Variants in RAB31 observed in about 807,000 individuals in gnomAD.
RAB31 encodes the protein RAB31, member RAS oncogene family.
A neutral mutation model predicts 25.6 loss-of-function variants in RAB31; 21 were observed. The observed-to-expected ratio is 0.82, with a 90% CI of 0.58 to 1.18. The LOEUF (loss-of-function observed/expected upper bound fraction) is 1.18, where lower values mean the gene tolerates loss of function less well. Ranked by LOEUF, RAB31 falls within the 50% of genes most tolerant of loss-of-function variation. RAB31 has a pLI of 0.00. For synonymous variants in RAB31, 87 were observed against 84.0 expected, an observed-to-expected ratio of 1.04 and a Z score of -0.20; for missense variants, 196 against 250.1, an observed-to-expected ratio of 0.78 and a Z score of 1.46.
At chr18:9,770,562 G>A (rs1426458645) in intron 1 of RAB31, among the ~76,000 whole-genome samples, 2 of 152,210 alleles carry the variant, frequency 1.3e-5, no homozygotes, top group African/African-American at 4.8e-5. Context: ...GGAAGTAGAT[G>A]GAACCAATTG....
In RAB31 at chr18:9,730,120, G is replaced by A. The variant is rs12605471; in HGVS notation, c.39+21676G>A. On this transcript the variant is annotated intron_variant, in intron 1 of 6. Coordinates refer to ENST00000578921, the MANE Select transcript of RAB31 (RefSeq NM_006868.4). The stretch of plus-strand genomic sequence containing the variant: ...AAATCCAGCTCCTCTCTATAGCATC[G>A]CTGTGGGTGTAGCTAAAATATGAGA... Among the ~76,000 whole-genome samples the A allele has an allele frequency of 7.9e-5, 12 of 152,128 alleles. No individual in the cohort carries two copies. In the East Asian group the frequency reaches 9.6e-4, roughly 12 times the overall value.
intron 6 of RAB31, among the ~76,000 whole-genome samples, chr18:9,855,410 G>T (rs626276): frequency 0.47 from 72,123 of 151,912 alleles, 18,561 homozygotes; most frequent in South Asian, 0.67. Context: ...CTACAGACTA[G>T]GCTCAGAGCC....
chr18:9,824,654 G>A (rs943267839), intron 5 of RAB31, among the ~76,000 whole-genome samples: 49 of 152,360 alleles, frequency 3.2e-4, no homozygotes, highest in African/African-American at 1.2e-3. Context: ...CCTGTTCAGT[G>A]TGTTTCATCT....
At chr18:9,850,003 G>A (rs1262815461) in intron 6 of RAB31, among the ~76,000 whole-genome samples, 1 of 152,188 alleles carries the variant, frequency 6.6e-6, no homozygotes, top group African/African-American at 2.4e-5. Flanking sequence ...GAAAGTCTCC[G>A]CATGTCTCAA....
rs576129354 is a variant in RAB31, at chr18:9,765,672, C to A, written c.40-9606C>A. 1.7e-3 allele frequency among the ~76,000 whole-genome samples: 263 copies of A among 152,280 alleles called. 1 individual carries two copies. Among genetic ancestry groups the A allele is most frequent in the African/African-American group, 5.7e-3 (237 of 41,568 alleles). On this transcript the variant is annotated intron_variant, in intron 1 of 6. Transcript: ENST00000578921. ...CAAACAGGCCCAGTAAGTCTGTAAT[C>A]TGATAAGCCCTGGAATGGGATCCAG... is the stretch of plus-strand genomic sequence containing the variant.
intron 6 of RAB31, among the ~76,000 whole-genome samples, chr18:9,849,850 A>T (rs962619930): frequency 6.6e-6 from 1 of 152,156 alleles, no homozygotes; most frequent in African/African-American, 2.4e-5. Flanking sequence ...GTGCTGTGGG[A>T]AGTTGTGGTT....
At chr18:9,745,199 C>T (rs1287185797) in intron 1 of RAB31, among the ~76,000 whole-genome samples, 1 of 152,108 alleles carries the variant, frequency 6.6e-6, no homozygotes, top group Non-Finnish European at 1.5e-5. Context: ...GGTTAGATAA[C>T]CTAGAAGAAT....
intron 1 of RAB31, among the ~76,000 whole-genome samples, chr18:9,756,961 C>T (rs1490492656): frequency 4.6e-5 from 7 of 152,176 alleles, no homozygotes; most frequent in Admixed American, 3.9e-4. Flanking sequence ...TGATTGGTGC[C>T]TTTCTGCACT....
At chr18:9,788,251 T>TA (rs1428602251) in intron 2 of RAB31, among the ~76,000 whole-genome samples, 7 of 152,180 alleles carry the variant, frequency 4.6e-5, no homozygotes, top group African/African-American at 1.7e-4. Flanking sequence ...TAGACATCTC[T>TA]AAAAAGAAGA....
At chr18:9,796,915 G>A (rs934067535) in intron 3 of RAB31, among the ~76,000 whole-genome samples, 2 of 152,048 alleles carry the variant, frequency 1.3e-5, no homozygotes, top group South Asian at 4.1e-4. Context: ...ATTAATTAAA[G>A]TTATATTAAA....
At chr18:9,812,107 T>C (rs897455635) in intron 3 of RAB31, among the ~76,000 whole-genome samples, 3 of 152,176 alleles carry the variant, frequency 2.0e-5, no homozygotes, top group African/African-American at 7.2e-5. Context: ...AGATCTGGTC[T>C]CCTTCTCTCC....
intron 1 of RAB31, among the ~76,000 whole-genome samples, chr18:9,768,313 A>G (rs1297074632): frequency 6.6e-6 from 1 of 152,186 alleles, no homozygotes; most frequent in Non-Finnish European, 1.5e-5. Context: ...TTACACTCCC[A>G]CCAACAGTGT....
chr18:9,804,726 A>G (rs1035071943), intron 3 of RAB31, among the ~76,000 whole-genome samples: 2 of 152,200 alleles, frequency 1.3e-5, no homozygotes, highest in East Asian at 3.9e-4. Context: ...AGCCTGTCCT[A>G]ACAGAGGCAG....
At chr18:9,768,117 C>T (rs1367415176) in intron 1 of RAB31, among the ~76,000 whole-genome samples, 1 of 152,044 alleles carries the variant, frequency 6.6e-6, no homozygotes, top group Non-Finnish European at 1.5e-5. Context: ...TCAAGTCTAT[C>T]ATTGATGGGC....
At chr18:9,855,933 T>G (rs1335514229) in intron 6 of RAB31, 2 of 152,172 alleles carry the variant, frequency 1.3e-5, no homozygotes, top group Non-Finnish European at 2.9e-5. Context: ...CATCATCATT[T>G]GTTCCTCCCC....
intron 1 of RAB31, among the ~76,000 whole-genome samples, chr18:9,764,068 A>G (rs913284861): frequency 6.6e-6 from 1 of 152,194 alleles, no homozygotes; most frequent in Admixed American, 6.5e-5. Context: ...CTTAGGAAAT[A>G]ATCATTCTTT....
intron 3 of RAB31, among the ~76,000 whole-genome samples, chr18:9,794,250 A>C (rs1191642953): frequency 6.6e-6 from 1 of 152,236 alleles, no homozygotes; most frequent in East Asian, 1.9e-4. Context: ...TCCAGGATTC[A>C]GGATAATCTA....
At chr18:9,798,586 T>C (rs2068497935) in intron 3 of RAB31, among the ~76,000 whole-genome samples, 2 of 151,872 alleles carry the variant, frequency 1.3e-5, no homozygotes, top group East Asian at 1.9e-4. Flanking sequence ...TTTGACAATA[T>C]AAAGACAGAT....
At chr18:9,759,745 G>A (rs909010586) in intron 1 of RAB31, among the ~76,000 whole-genome samples, 4 of 152,200 alleles carry the variant, frequency 2.6e-5, no homozygotes, top group East Asian at 1.9e-4. Flanking sequence ...ATACATGGTC[G>A]GGCCTCTCAA....
Sources: allele counts gnomAD v4.1 joint callset (sites outside exome capture counted in the v4.1 genomes callset), GRCh38; gene constraint gnomAD v4.1.1; transcripts MANE v1.5; gene names NCBI Gene and HGNC (gene_info 2026-07-23, HGNC 2026-07-21).